Variants in XPR1 observed in about 807,000 individuals in gnomAD.
XPR1 encodes the protein xenotropic and polytropic retrovirus receptor 1.
A neutral mutation model predicts 87.5 loss-of-function variants in XPR1; 28 were observed. The ratio of observed to expected loss-of-function variants is 0.32; its 90% CI spans 0.24 to 0.44. The LOEUF (loss-of-function observed/expected upper bound fraction) is 0.44. Among genes scored for constraint, XPR1 ranks in the 20% least tolerant of loss-of-function variants. XPR1 has a pLI of 1.00. For synonymous variants in XPR1, 300 were observed against 306.1 expected, an observed-to-expected ratio of 0.98 and a Z score of 0.21; for missense variants, 559 against 862.3, an observed-to-expected ratio of 0.65 and a Z score of 4.41.
chr1:180,656,403 ATTTATATATTTATATATAAATAT>A (rs1557941237), intron 1 of XPR1, among the ~76,000 whole-genome samples: 3 of 48,006 alleles, frequency 6.2e-5, no homozygotes, highest in South Asian at 5.6e-4. Flanking sequence ...ATATATAAAT[ATTTATATATTTATATATAAATAT>A]TTATATATTT....
intron 2 of XPR1, among the ~76,000 whole-genome samples, chr1:180,776,425 A>G (rs1648719844): frequency 6.6e-6 from 1 of 152,002 alleles, no homozygotes; most frequent in African/African-American, 2.4e-5. Context: ...ATAATTGTAT[A>G]ATTATACAAT....
chr1:180,764,590 C>G (rs1278886049), intron 2 of XPR1, among the ~76,000 whole-genome samples: 1 of 152,002 alleles, frequency 6.6e-6, no homozygotes, highest in Non-Finnish European at 1.5e-5. Context: ...CCACCTCAGC[C>G]TCCCATGTAG....
At chr1:180,680,357 C>CTTTTTTTTT (rs369905770) in intron 1 of XPR1, among the ~76,000 whole-genome samples, 20 of 83,390 alleles carry the variant, frequency 2.4e-4, no homozygotes, top group East Asian at 4.8e-4. Context: ...CAAATAGAAC[C>CTTTTTTTTT]TTTTTTTTTT....
intron 7 of XPR1, among the ~76,000 whole-genome samples, 192 bp downstream of exon 7, chr1:180,811,680 G>A (rs533187091): frequency 6.6e-6 from 1 of 151,958 alleles, no homozygotes; most frequent in South Asian, 2.1e-4. Flanking sequence ...CCCCATTTGG[G>A]TATGGTTATT....
chr1:180,757,693 A>C (rs1239132168), intron 2 of XPR1, among the ~76,000 whole-genome samples: 1 of 151,266 alleles, frequency 6.6e-6, no homozygotes, highest in African/African-American at 2.4e-5. Flanking sequence ...ATTTTTACAA[A>C]TTTTTTTGTA....
rs1053269028 is a variant in XPR1 at position 180,669,109 on chromosome 1, T to A, written c.70-13251T>A. Among the ~76,000 whole-genome samples, 14 of 148,376 alleles carry A rather than the reference T, an allele frequency of 9.4e-5. No homozygotes were observed. In the East Asian group the frequency reaches 2.4e-3, roughly 25 times the overall value. The stretch of plus-strand genomic sequence containing the variant: ...TGTCTAAAAAAAAAAAAAAAAAAAA[T>A]CTATTGAGGCTTAATTTCTGGCCTA... On this transcript the variant is annotated intron_variant, in intron 1 of 14. Transcript: ENST00000367590.
chr1:180,782,660 T>C (rs1220610360), intron 2 of XPR1, among the ~76,000 whole-genome samples: 1 of 151,990 alleles, frequency 6.6e-6, no homozygotes, highest in Non-Finnish European at 1.5e-5. Context: ...TCATTTAACC[T>C]TAGTTGCCTC....
In XPR1 at chr1:180,836,736, G is replaced by A; in HGVS notation, c.1501+20G>A. The A allele has an allele frequency of 1.2e-6, 2 of 1,610,904 alleles. No individual in the cohort carries two copies. The highest frequency in any genetic ancestry group is 1.7e-6 in the Non-Finnish European group (2 of 1,179,226). On this transcript the variant is annotated intron_variant, in intron 11 of 14. Transcript: ENST00000367590. ...ACAAAGGTATTCTGTGATTGACTCT[G>A]AAGAGATTTTTTTAAACCTGGATTT...
At chr1:180,757,994 C>A (rs898626250) in intron 2 of XPR1, among the ~76,000 whole-genome samples, 1 of 147,016 alleles carries the variant, frequency 6.8e-6, no homozygotes, top group African/African-American at 2.5e-5. Context: ...ATTGGAGAAA[C>A]TGGATAGTAG....
chr1:180,875,098 G>C (rs886225939), intron 13 of XPR1, among the ~76,000 whole-genome samples: 1 of 152,134 alleles, frequency 6.6e-6, no homozygotes, highest in Admixed American at 6.5e-5. Flanking sequence ...CATAAAGGAA[G>C]TCTCAACAAA....
intron 1 of XPR1, among the ~76,000 whole-genome samples, chr1:180,652,032 C>T (rs560653920): frequency 1.3e-5 from 2 of 152,294 alleles, no homozygotes; most frequent in Admixed American, 1.3e-4. Flanking sequence ...TGGCTCACGC[C>T]TGTAATTTCA....
intron 1 of XPR1, among the ~76,000 whole-genome samples, chr1:180,666,189 T>C (rs1394407650): frequency 6.6e-6 from 1 of 152,246 alleles, no homozygotes; most frequent in Non-Finnish European, 1.5e-5. Context: ...TGGATTATTG[T>C]AGCTTTGTAG....
intron 2 of XPR1, among the ~76,000 whole-genome samples, chr1:180,684,808 A>G (rs1228742374): frequency 2.6e-5 from 4 of 152,260 alleles, no homozygotes; most frequent in African/African-American, 7.2e-5. Context: ...TTGGTGTATA[A>G]CAATGCTTGT....
chr1:180,767,285 C>G (rs1648322969), intron 2 of XPR1, among the ~76,000 whole-genome samples: 1 of 152,040 alleles, frequency 6.6e-6, no homozygotes, highest in African/African-American at 2.4e-5. Flanking sequence ...AAAATAAAAC[C>G]ATTATAGTAG....
intron 2 of XPR1, among the ~76,000 whole-genome samples, chr1:180,707,997 TTAAA>T (rs1557967177): frequency 6.6e-6 from 1 of 152,144 alleles, no homozygotes; most frequent in African/African-American, 2.4e-5. Context: ...AGTTGGAAAT[TTAAA>T]TAAAACAATT....
In XPR1 at chr1:180,696,733, T is replaced by C. The variant is rs550343751; in HGVS notation, c.121+14322T>C. Among the ~76,000 whole-genome samples the C allele has an allele frequency of 3.3e-5, 5 of 152,256 alleles. No individual in the cohort carries two copies. The South Asian group carries it at 1.0e-3, about 32-fold the overall frequency. On this transcript the variant is annotated intron_variant, in intron 2 of 14. Coordinates refer to ENST00000367590, the MANE Select transcript of XPR1 (RefSeq NM_004736.4). ...ATTTTATCAGATGCTTTTTTGTGTGTGTCTATTGAGATGAGCATACGGTTT... is the reference window on the plus strand; with the variant it reads ...ATTTTATCAGATGCTTTTTTGTGTGCGTCTATTGAGATGAGCATACGGTTT...
intron 1 of XPR1, among the ~76,000 whole-genome samples, chr1:180,641,329 A>C (rs2101895605): frequency 6.6e-6 from 1 of 152,318 alleles, no homozygotes; most frequent in Admixed American, 6.5e-5. Flanking sequence ...AATACTAAAT[A>C]ATGTTTGGCT....
intron 7 of XPR1, among the ~76,000 whole-genome samples, chr1:180,822,892 C>A (rs1046854417): frequency 6.6e-6 from 1 of 152,114 alleles, no homozygotes; most frequent in African/African-American, 2.4e-5. Context: ...ATTAAATCTT[C>A]TATATACTAC....
chr1:180,654,137 G>A (rs1158941936), intron 1 of XPR1, among the ~76,000 whole-genome samples: 3 of 151,956 alleles, frequency 2.0e-5, no homozygotes, highest in Admixed American at 1.3e-4. Flanking sequence ...TCTGAGAGTA[G>A]GCATTCAATA....
Sources: allele counts gnomAD v4.1 joint callset (sites outside exome capture counted in the v4.1 genomes callset), GRCh38; gene constraint gnomAD v4.1.1; transcripts MANE v1.5; gene names NCBI Gene and HGNC (gene_info 2026-07-23, HGNC 2026-07-21).